Variants in ANKRD7 observed in about 807,000 individuals in gnomAD.
The protein encoded by ANKRD7 is ankyrin repeat domain 7, also known as ankyrin repeat domain-containing protein 7.
A neutral mutation model predicts 30.8 loss-of-function variants in ANKRD7; 30 were observed. The ratio of observed to expected loss-of-function variants is 0.97; its 90% CI spans 0.73 to 1.32. The LOEUF is 1.32. Ranked by LOEUF, ANKRD7 falls within the 40% of genes most tolerant of loss-of-function variation. The pLI, the probability that ANKRD7 is intolerant of heterozygous loss-of-function variation, is 0.00. For missense variants in ANKRD7, 264 were observed against 295.7 expected (o/e 0.89, Z 0.79); for synonymous variants, 97 against 106.6 (o/e 0.91, Z 0.55).
chr7:118,236,625 A>T (rs909583369), intron 4 of ANKRD7, among the ~76,000 whole-genome samples, 165 bp from the exon 5 acceptor site: 1 of 152,150 alleles, frequency 6.6e-6, no homozygotes, highest in Non-Finnish European at 1.5e-5. Flanking sequence ...ATGATCTGTG[A>T]CTGGCACACT....
At chr7:118,236,471 G>A (rs892918814) in intron 4 of ANKRD7, among the ~76,000 whole-genome samples, 19 of 152,034 alleles carry the variant, frequency 1.2e-4, no homozygotes, top group Non-Finnish European at 1.2e-4. Flanking sequence ...GTTAAATGGG[G>A]TCAGGGGACC....
At chr7:118,236,579 G>C (rs961197739) in intron 4 of ANKRD7, among the ~76,000 whole-genome samples, 1 of 152,078 alleles carries the variant, frequency 6.6e-6, no homozygotes, top group Non-Finnish European at 1.5e-5. Context: ...TGAGCTAGCT[G>C]CTTCCTAGGT....
At chr7:118,229,061 C>T (rs1157086542) in intron 1 of ANKRD7, among the ~76,000 whole-genome samples, 2 of 152,146 alleles carry the variant, frequency 1.3e-5, no homozygotes, top group African/African-American at 4.8e-5. Context: ...GATCTTACCT[C>T]CTACAACTCT....
At chr7:118,241,059 CAGG>C (rs1562874911) in intron 6 of ANKRD7, among the ~76,000 whole-genome samples, 1 of 143,610 alleles carries the variant, frequency 7.0e-6, no homozygotes, top group African/African-American at 2.6e-5. Context: ...GAGGCTGAGG[CAGG>C]AGAATGGCGT....
At chr7:118,240,692 CAT>C (rs1809817676) in intron 6 of ANKRD7, among the ~76,000 whole-genome samples, 2 of 151,930 alleles carry the variant, frequency 1.3e-5, no homozygotes, top group Non-Finnish European at 2.9e-5. Flanking sequence ...GAAAAACTAT[CAT>C]AAAAATTTTA....
chr7:118,234,997 G>A, intron 3 of ANKRD7, 123 bp downstream of exon 3: 3 of 765,806 alleles, frequency 3.9e-6, no homozygotes, highest in Admixed American at 3.7e-5. Flanking sequence ...ACTAAAATTG[G>A]GGAGAAAGAG....
At chr7:118,225,510 G>C (rs1359647219) in intron 1 of ANKRD7, among the ~76,000 whole-genome samples, 2 of 151,302 alleles carry the variant, frequency 1.3e-5, no homozygotes, top group East Asian at 1.9e-4. Context: ...AAAATTGCTT[G>C]CTTGAATATT....
At chr7:118,227,395 CTG>C (rs1809563046) in intron 1 of ANKRD7, among the ~76,000 whole-genome samples, 1 of 152,108 alleles carries the variant, frequency 6.6e-6, no homozygotes, top group Non-Finnish European at 1.5e-5. Flanking sequence ...TCATATGGCA[CTG>C]TGTTGGAGGC....
chr7:118,234,411 GT>G lies in ANKRD7; in HGVS notation c.180-16del, dbSNP rs1290317292. ...AACGAAGACTTATCTCTAACTTTGT[GT>G]TTTGTTTTATTGACATAGAACACCT... On this transcript the variant is annotated intron_variant, in intron 1 of 6. Transcript: ENST00000265224. 1 of 1,505,738 alleles carries G rather than the reference GT, an allele frequency of 6.6e-7. No individual in the cohort carries two copies. The highest frequency in any genetic ancestry group is 1.4e-5 in the African/African-American group (1 of 71,058). 93.3% of individuals were successfully genotyped at this position (1,505,738 alleles called of 1,614,324 possible).
chr7:118,240,883 G>A (rs897938691), intron 6 of ANKRD7, among the ~76,000 whole-genome samples: 2 of 151,704 alleles, frequency 1.3e-5, no homozygotes, highest in Admixed American at 6.6e-5. Context: ...GGCCGGGCGC[G>A]GTGGCTCACG....
intron 6 of ANKRD7, 79 bp downstream of exon 6, chr7:118,240,077 TTAAG>T: frequency 4.6e-6 from 3 of 650,176 alleles, no homozygotes; most frequent in Non-Finnish European, 6.7e-6. Context: ...AACAACTTTC[TTAAG>T]TAACATTTAA....
chr7:118,224,774 C>T lies in ANKRD7; in HGVS notation c.-57C>T, dbSNP rs923423020. 10 of 1,556,134 alleles carry T rather than the reference C, an allele frequency of 6.4e-6. No individual in the cohort carries two copies. In the African/African-American group the frequency reaches 6.9e-5, roughly 11 times the overall value. On this transcript the variant is annotated 5_prime_UTR_variant, in exon 1 of 7. In the 5' UTR this introduces an upstream ATG that the reference lacks. Coordinates refer to ENST00000265224, the MANE Select transcript of ANKRD7 (RefSeq NM_019644.4). ...TGCCAGGGCAGAGGGGCAGGGCGGA[C>T]GGCTAGGAGTTCAAGAAACATCCTG...
rs1431397405 is a variant in ANKRD7 at position 118,224,738 on chromosome 7, T to G, written c.-93T>G. The G allele has an allele frequency of 2.0e-6, 3 of 1,520,658 alleles. No individual in the cohort carries two copies. The highest frequency in any genetic ancestry group is 1.8e-6 in the Non-Finnish European group (2 of 1,139,168). 94.2% of individuals were successfully genotyped at this position (1,520,658 alleles called of 1,614,324 possible). A position where few individuals can be genotyped will look rare whatever the true frequency, so the allele number is the denominator to read the frequency against. On this transcript the variant is annotated 5_prime_UTR_variant, in exon 1 of 7. Coordinates refer to ENST00000265224, the MANE Select transcript of ANKRD7 (RefSeq NM_019644.4). ...ACTTTCGTCAGGTACTGGAGAGGGC[T>G]GCCGGCCGGATGCCAGGGCAGAGGG...
intron 6 of ANKRD7, among the ~76,000 whole-genome samples, chr7:118,240,228 T>C (rs1411424691): frequency 1.3e-5 from 2 of 152,138 alleles, no homozygotes; most frequent in Non-Finnish European, 2.9e-5. Context: ...TAGTTACATA[T>C]GTATACATGT....
At position 118,239,977 on chromosome 7, in the gene ANKRD7, C is replaced by T. The variant is rs368645249; in HGVS notation, c.*16C>T. 2 of 1,567,434 alleles carry T rather than the reference C, an allele frequency of 1.3e-6. No homozygotes were observed. The highest frequency in any genetic ancestry group is 2.7e-5 in the African/African-American group (2 of 74,060). Reference sequence around the variant, plus strand: ...TGCTAAATAGACACCTTATTCTTGGCACTACATGTGACTAAAGGAAGGTAA... The same window carrying T: ...TGCTAAATAGACACCTTATTCTTGGTACTACATGTGACTAAAGGAAGGTAA... On this transcript the variant is annotated 3_prime_UTR_variant, in exon 6 of 7. Transcript: ENST00000265224.
rs544387764 is a variant in ANKRD7, at chr7:118,237,610, A to C, written c.712+684A>C. 4.6e-5 allele frequency among the ~76,000 whole-genome samples: 7 copies of C among 152,034 alleles called. No homozygotes were observed. In the East Asian group the frequency reaches 1.2e-3, roughly 25 times the overall value. On this transcript the variant is annotated intron_variant, in intron 5 of 6. Transcript: ENST00000265224. ...AGTAGGTATTTTTTCAGTTTTTATT[A>C]TTCTTCTTCCACTGCTTTATTCACA...
chr7:118,230,760 TAG>T (rs1315870183), intron 1 of ANKRD7, among the ~76,000 whole-genome samples: 2 of 151,842 alleles, frequency 1.3e-5, no homozygotes, highest in Non-Finnish European at 2.9e-5. Context: ...GGAAAGTAGA[TAG>T]AGTGAGATGG....
At position 118,234,732 on chromosome 7, in the gene ANKRD7, C is replaced by T. The variant is rs777296969; in HGVS notation, c.326C>T (p.Thr109Ile). ...CAGTGTCAAAATGAGGATTGTGCTA[C>T]TATTCTTCTAAACTTTGGTGCAGAC... ...AVQCQNEDCA[T>I]ILLNFGADPD... Residue 109 changes from threonine (T) to isoleucine (I), a missense_variant, in exon 3 of 7, where the codon ACT becomes ATT. Coordinates refer to ENST00000265224, the MANE Select transcript of ANKRD7 (RefSeq NM_019644.4). 1 of 1,611,604 alleles carries T rather than the reference C, an allele frequency of 6.2e-7. No homozygotes were observed.
chr7:118,240,057 T>G, intron 6 of ANKRD7, 59 bp downstream of exon 6: 1 of 1,035,792 alleles, frequency 9.7e-7, no homozygotes. Context: ...GTTAATTTTT[T>G]AGGAAAGGAA....
Sources: allele counts gnomAD v4.1 joint callset (sites outside exome capture counted in the v4.1 genomes callset), GRCh38; gene constraint gnomAD v4.1.1; transcripts MANE v1.5; gene names NCBI Gene and HGNC (gene_info 2026-07-23, HGNC 2026-07-21).